DNAAF11: variants seen among roughly 807,000 people sequenced by gnomAD.
The protein encoded by DNAAF11 is dynein axonemal assembly factor 11.
In DNAAF11, 45 loss-of-function variants were observed where a neutral mutation model predicts 60.8. The observed-to-expected ratio is 0.74, with a 90% CI of 0.58 to 0.95. The LOEUF (loss-of-function observed/expected upper bound fraction) is 0.95, where lower values mean the gene tolerates loss of function less well. Among genes scored for constraint, DNAAF11 ranks in the 40% least tolerant of loss-of-function variants. The pLI, the probability that DNAAF11 is intolerant of heterozygous loss-of-function variation, is 0.00. For missense variants in DNAAF11, 546 were observed against 546.2 expected (o/e 1.00, Z 0.00); for synonymous variants, 191 against 183.5 (o/e 1.04, Z -0.33).
At chr8:132,637,813 G>A (rs1821449514) in intron 4 of DNAAF11, 122 bp downstream of exon 4, 2 of 738,766 alleles carry the variant, frequency 2.7e-6, no homozygotes, top group Non-Finnish European at 4.3e-6. Flanking sequence ...ATTACTTTGG[G>A]CTCTCTGGAA....
the DNAAF11 span, among the ~76,000 whole-genome samples, chr8:132,701,329 T>C: frequency 1.3e-5 from 2 of 152,192 alleles, no homozygotes; most frequent in Non-Finnish European, 2.9e-5. Flanking sequence ...CCAGAGGCAC[T>C]GGGAATAGAG....
In DNAAF11 at chr8:132,632,968, A is replaced by G. The variant is rs754431068; in HGVS notation, c.430-5T>C. The G allele has an allele frequency of 1.9e-6, 3 of 1,594,680 alleles. No individual in the cohort carries two copies. The highest frequency in any genetic ancestry group is 1.1e-5 in the South Asian group (1 of 90,608). ...TATTTCTTTACCATCCAACCACTTA[A>G]AGAAAAACAATAAATATAGTACAAT... On this transcript the variant is annotated splice_polypyrimidine_tract_variant and splice_region_variant and intron_variant, in intron 4 of 11. Coordinates refer to ENST00000620350, the MANE Select transcript of DNAAF11 (RefSeq NM_012472.6).
chr8:132,661,680 GATT>G, intron 1 of DNAAF11, 53 bp from the exon 2 acceptor site: 1 of 1,550,908 alleles, frequency 6.4e-7, no homozygotes. Flanking sequence ...TTCAATATAA[GATT>G]ATTGTGTTGT....
chr8:132,599,230 G>A (rs1476289129), intron 10 of DNAAF11, among the ~76,000 whole-genome samples: 1 of 152,130 alleles, frequency 6.6e-6, no homozygotes, highest in Non-Finnish European at 1.5e-5. Flanking sequence ...CCAGGAAGAA[G>A]TTGAATCCCT....
At chr8:132,631,736 T>A (rs1010917627) in intron 5 of DNAAF11, among the ~76,000 whole-genome samples, 2 of 152,056 alleles carry the variant, frequency 1.3e-5, no homozygotes, top group African/African-American at 4.8e-5. Context: ...TAAAAAAAGA[T>A]CCATCATTCT....
At chr8:132,626,108 G>A (rs1205369774) in intron 5 of DNAAF11, among the ~76,000 whole-genome samples, 1 of 151,194 alleles carries the variant, frequency 6.6e-6, no homozygotes, top group Non-Finnish European at 1.5e-5. Context: ...GGAGTGCAGT[G>A]GCCAGTGGTC....
intron 10 of DNAAF11, among the ~76,000 whole-genome samples, chr8:132,600,577 T>TA (rs1817507668): frequency 6.6e-6 from 1 of 152,076 alleles, no homozygotes; most frequent in Non-Finnish European, 1.5e-5. Flanking sequence ...AAAACAGAGA[T>TA]ATAGACCAAT....
intron 10 of DNAAF11, among the ~76,000 whole-genome samples, chr8:132,589,486 A>C (rs1390742518): frequency 6.6e-6 from 1 of 152,210 alleles, no homozygotes; most frequent in African/African-American, 2.4e-5. Flanking sequence ...TGTGATGTTA[A>C]CAAAAATACT....
intron 1 of DNAAF11, among the ~76,000 whole-genome samples, chr8:132,675,123 C>A (rs1324551962): frequency 1.3e-5 from 2 of 152,136 alleles, no homozygotes; most frequent in Admixed American, 1.3e-4. Context: ...GACTGGCCCA[C>A]GTTCACAGCC....
intron 7 of DNAAF11, among the ~76,000 whole-genome samples, chr8:132,622,339 A>G (rs1474247059): frequency 6.6e-6 from 1 of 152,234 alleles, no homozygotes; most frequent in Non-Finnish European, 1.5e-5. Flanking sequence ...ATAAAACTGT[A>G]TATGGTCCAA....
chr8:132,611,580 G>C (rs2129993111), intron 8 of DNAAF11, among the ~76,000 whole-genome samples: 1 of 152,192 alleles, frequency 6.6e-6, no homozygotes, highest in Non-Finnish European at 1.5e-5. Flanking sequence ...AGTATACTTG[G>C]CATTGATTGC....
chr8:132,637,893 G>T (rs776170120), intron 4 of DNAAF11, 42 bp downstream of exon 4: 15 of 1,527,358 alleles, frequency 9.8e-6, no homozygotes, highest in Non-Finnish European at 1.2e-5. Context: ...AGTTGCTCAT[G>T]CTCATTTATC....
chr8:132,595,852 G>A (rs777805162), intron 10 of DNAAF11, among the ~76,000 whole-genome samples: 2 of 152,300 alleles, frequency 1.3e-5, no homozygotes, highest in East Asian at 1.9e-4. Context: ...AGGGCAAACC[G>A]TGAGAAGGCT....
intron 10 of DNAAF11, among the ~76,000 whole-genome samples, chr8:132,593,328 CATACATATAT>C (rs1279104621): frequency 1.2e-3 from 78 of 67,568 alleles, no homozygotes; most frequent in African/African-American, 5.2e-3. Flanking sequence ...AGAATATATA[CATACATATAT>C]ATATATATAT....
intron 2 of DNAAF11, among the ~76,000 whole-genome samples, chr8:132,660,670 T>C (rs111827050): frequency 1.1e-4 from 17 of 152,288 alleles, no homozygotes; most frequent in African/African-American, 3.8e-4. Flanking sequence ...ATTTATCTGA[T>C]AGGTTAATCA....
At chr8:132,587,907 G>A (rs570040059) in intron 10 of DNAAF11, among the ~76,000 whole-genome samples, 13 of 152,172 alleles carry the variant, frequency 8.5e-5, no homozygotes, top group Non-Finnish European at 1.6e-4. Context: ...CTTTTCTGAT[G>A]CATGACTTTC....
intron 1 of DNAAF11, among the ~76,000 whole-genome samples, chr8:132,671,758 G>T (rs1038016652): frequency 1.3e-5 from 2 of 151,834 alleles, no homozygotes; most frequent in Non-Finnish European, 1.5e-5. Flanking sequence ...TCAATTCAAT[G>T]GAGAGAGCAT....
intron 1 of DNAAF11, among the ~76,000 whole-genome samples, chr8:132,670,769 AG>A (rs1825113818): frequency 6.6e-6 from 1 of 152,156 alleles, no homozygotes; most frequent in Non-Finnish European, 1.5e-5. Context: ...ATTATAACCA[AG>A]GGGGGAGTTA....
At chr8:132,603,805 T>G (rs566835227) in intron 10 of DNAAF11, among the ~76,000 whole-genome samples, 27 of 152,104 alleles carry the variant, frequency 1.8e-4, no homozygotes, top group Non-Finnish European at 3.5e-4. Context: ...AATGTAAGAT[T>G]CAGAGAGGTG....
Sources: gnomAD v4.1 joint callset for allele counts (sites outside exome capture counted in the v4.1 genomes callset) on GRCh38, gnomAD v4.1.1 for gene constraint, MANE v1.5 for transcripts, NCBI Gene and HGNC (gene_info 2026-07-23, HGNC 2026-07-21) for gene names.